CDH1: variants seen among roughly 807,000 people sequenced by gnomAD.
CDH1 encodes the protein cadherin-1.
Under a neutral mutation model 84.5 loss-of-function variants are expected in CDH1, and 35 were observed. That is an observed-to-expected ratio of 0.41 (90% CI 0.32 to 0.55). The LOEUF is 0.55. Ranked by LOEUF, CDH1 falls within the 20% of genes least tolerant of loss-of-function variation. The pLI, the probability that CDH1 is intolerant of heterozygous loss-of-function variation, is 0.19. For missense variants in CDH1, 994 were observed against 1,126.6 expected (o/e 0.88, Z 1.68); for synonymous variants, 417 against 439.0 (o/e 0.95, Z 0.63).
intron 2 of CDH1, among the ~76,000 whole-genome samples, chr16:68,755,716 A>G (rs957918394): frequency 6.6e-6 from 1 of 151,578 alleles, no homozygotes; most frequent in African/African-American, 2.4e-5. Flanking sequence ...CCCACCCCTC[A>G]GCATGTTGCC....
intron 2 of CDH1, among the ~76,000 whole-genome samples, chr16:68,771,827 T>C (rs1291356336): frequency 6.6e-6 from 1 of 152,082 alleles, no homozygotes; most frequent in Non-Finnish European, 1.5e-5. Context: ...CCTGGCCTCT[T>C]GCCTCTGCCT....
Position 68,801,804 on chromosome 16 carries a change from G to C in CDH1, c.298G>C (p.Val100Leu). ...RFHNPQIHFL[V>L]YAWDSTYRKF... ...TCATAACCCACAGATCCATTTCTTG[G>C]TCTACGCCTGGGACTCCACCTACAG... Residue 100 changes from valine to leucine, a missense_variant, in exon 3 of 16, where the codon GTC (valine) becomes CTC (leucine). Coordinates refer to ENST00000261769, the MANE Select transcript of CDH1 (RefSeq NM_004360.5). The C allele has an allele frequency of 4.3e-6, 7 of 1,614,200 alleles. No homozygotes were observed. Among genetic ancestry groups the C allele is most frequent in the Non-Finnish European group, 5.9e-6 (7 of 1,180,036 alleles).
intron 15 of CDH1, among the ~76,000 whole-genome samples, chr16:68,830,731 TC>T (rs1961461803): frequency 6.6e-6 from 1 of 152,150 alleles, no homozygotes; most frequent in South Asian, 2.1e-4. Context: ...AAGTCTGTAT[TC>T]CAGTCAGGAA....
At chr16:68,811,227 G>A (rs1960814908) in intron 6 of CDH1, among the ~76,000 whole-genome samples, 1 of 151,876 alleles carries the variant, frequency 6.6e-6, no homozygotes, top group Non-Finnish European at 1.5e-5. Context: ...GAGAAACCCT[G>A]TCTCTACTAA....
chr16:68,764,252 T>C (rs1402347860), intron 2 of CDH1, among the ~76,000 whole-genome samples: 2 of 152,138 alleles, frequency 1.3e-5, no homozygotes, highest in African/African-American at 4.8e-5. Context: ...AGATGACATT[T>C]AGGGCTAACT....
chr16:68,798,278 G>A (rs886754012), intron 2 of CDH1, among the ~76,000 whole-genome samples: 1 of 152,076 alleles, frequency 6.6e-6, no homozygotes, highest in Non-Finnish European at 1.5e-5. Flanking sequence ...AATATACCCA[G>A]TCCCCGTATT....
intron 10 of CDH1, among the ~76,000 whole-genome samples, chr16:68,818,591 GT>G (rs1961048598): frequency 6.9e-6 from 1 of 144,630 alleles, no homozygotes; most frequent in African/African-American, 2.6e-5. Flanking sequence ...GCTCACGCCT[GT>G]AATCCCAGCA....
intron 2 of CDH1, among the ~76,000 whole-genome samples, chr16:68,770,668 G>A (rs181396749): frequency 6.6e-6 from 1 of 151,648 alleles, no homozygotes; most frequent in East Asian, 2.0e-4. Flanking sequence ...GGATGTTTGT[G>A]TGGTACCTAG....
chr16:68,823,287 G>A, intron 12 of CDH1, 112 bp from the exon 13 acceptor site: 1 of 771,288 alleles, frequency 1.3e-6, no homozygotes. Flanking sequence ...AAGCAGCTCT[G>A]CTCTCTTCAC....
intron 9 of CDH1, 166 bp downstream of exon 9, chr16:68,813,661 T>G (rs982099584): frequency 2.6e-6 from 2 of 777,930 alleles, no homozygotes; most frequent in East Asian, 4.9e-5. Flanking sequence ...TTCCTGCTCA[T>G]GTAAGAAATC....
intron 14 of CDH1, among the ~76,000 whole-genome samples, chr16:68,828,669 A>G (rs1321770181): frequency 6.6e-6 from 1 of 152,206 alleles, no homozygotes; most frequent in African/African-American, 2.4e-5. Context: ...TCTTTGACAT[A>G]GAACAACTGG....
At chr16:68,792,668 C>A (rs1028595266) in intron 2 of CDH1, among the ~76,000 whole-genome samples, 4 of 152,178 alleles carry the variant, frequency 2.6e-5, no homozygotes, top group Non-Finnish European at 2.9e-5. Flanking sequence ...AAAAAGACAC[C>A]CTTTGCCAGT....
At chr16:68,818,533 C>CTTTT (rs869272949) in intron 10 of CDH1, among the ~76,000 whole-genome samples, 8 of 123,330 alleles carry the variant, frequency 6.5e-5, no homozygotes, top group African/African-American at 1.4e-4. Flanking sequence ...TCTTGGTTTT[C>CTTTT]TTTTTTTTTT....
rs116519437 is a variant in CDH1 at position 68,830,610 on chromosome 16, C to T, written c.2439+813C>T. On this transcript the variant is annotated intron_variant, in intron 15 of 15. Transcript: ENST00000261769. ...AGAAAGTTGGGGTGAGCAGTCTAGG[C>T]CAGTGCATCAGGCTGTTCCATGTTT... 2.6e-3 allele frequency among the ~76,000 whole-genome samples: 398 copies of T among 152,224 alleles called. 3 individuals are homozygous for T. Among genetic ancestry groups the T allele is most frequent in the African/African-American group, 8.9e-3 (369 of 41,504 alleles).
At chr16:68,801,972 TG>T in intron 3 of CDH1, 79 bp downstream of exon 3, 1 of 1,201,350 alleles carries the variant, frequency 8.3e-7, no homozygotes. Flanking sequence ...TTGGTACCGT[TG>T]ACATTTTGGG....
Position 68,833,660 on chromosome 16 carries a change from T to C in CDH1, c.*161T>C, listed in dbSNP as rs1961556247. ...ATAGCTTTATACTCTCTCCACTTTA[T>C]AGCTCTAATAAGTTTGTGTTAGAAA... On this transcript the variant is annotated 3_prime_UTR_variant, in exon 16 of 16. Coordinates refer to ENST00000261769, the MANE Select transcript of CDH1 (RefSeq NM_004360.5). The C allele has an allele frequency of 1.6e-6, 1 of 644,464 alleles. No homozygotes were observed. The highest frequency in any genetic ancestry group is 2.7e-5 in the Admixed American group (1 of 36,828). 39.9% of individuals were successfully genotyped at this position (644,464 alleles called of 1,614,324 possible). A position where few individuals can be genotyped will look rare whatever the true frequency, so the allele number is the denominator to read the frequency against.
intron 2 of CDH1, among the ~76,000 whole-genome samples, chr16:68,743,647 T>A (rs1349597204): frequency 2.6e-5 from 4 of 152,054 alleles, no homozygotes; most frequent in African/African-American, 9.7e-5. Flanking sequence ...ATTACAGGCG[T>A]GAGCCACCGA....
intron 13 of CDH1, among the ~76,000 whole-genome samples, chr16:68,824,072 A>G (rs1325544943): frequency 1.4e-5 from 2 of 139,596 alleles, no homozygotes; most frequent in Non-Finnish European, 3.0e-5. Context: ...ATCTCAGCTC[A>G]CTGCACCCTC....
chr16:68,824,866 A>G (rs1371221739), intron 13 of CDH1, among the ~76,000 whole-genome samples: 1 of 152,242 alleles, frequency 6.6e-6, no homozygotes, highest in South Asian at 2.1e-4. Context: ...CAAAGTATCC[A>G]TATGGAGGAG....
Sources: gnomAD v4.1 joint callset for allele counts (sites outside exome capture counted in the v4.1 genomes callset) on GRCh38, gnomAD v4.1.1 for gene constraint, MANE v1.5 for transcripts, NCBI Gene and HGNC (gene_info 2026-07-23, HGNC 2026-07-21) for gene names.